TJP2: variants seen among roughly 807,000 people sequenced by gnomAD.
TJP2 encodes tight junction protein 2.
In TJP2, 91 loss-of-function variants were observed where a neutral mutation model predicts 133.1. That is an observed-to-expected ratio of 0.68 (90% CI 0.58 to 0.81). TJP2 has a LOEUF of 0.81. Ranked by LOEUF, TJP2 falls within the 40% of genes least tolerant of loss-of-function variation. The probability of loss-of-function intolerance (pLI) is 0.00; values close to 1 mark genes in which losing one functional copy is unlikely to be tolerated. For missense variants in TJP2, 1,541 were observed against 1,565.6 expected, an observed-to-expected ratio of 0.98 and a Z score of 0.26; for synonymous variants, 592 against 583.4, an observed-to-expected ratio of 1.01 and a Z score of -0.21.
intron 12 of TJP2, 88 bp from the exon 13 acceptor site, chr9:69,235,940 A>C: frequency 8.1e-7 from 1 of 1,231,388 alleles, no homozygotes. Flanking sequence ...GGTAAAGGGG[A>C]GATCAGAGAT....
chr9:69,244,254 C>CA (rs896308532), intron 17 of TJP2, among the ~76,000 whole-genome samples: 1 of 150,912 alleles, frequency 6.6e-6, no homozygotes, highest in African/African-American at 2.4e-5. Context: ...GTACAGCTGT[C>CA]ATCACAACCA....
Position 69,237,033 on chromosome 9 carries a change from G to A in TJP2, c.2076G>A (p.Arg692=), listed in dbSNP as rs750708524. 3 of 1,614,196 alleles carry A rather than the reference G, an allele frequency of 1.9e-6. No homozygotes were observed. The South Asian group carries it at 3.3e-5, about 18-fold the overall frequency. Residue 692 remains arginine (R), a synonymous_variant, in exon 14 of 23, where the codon AGG becomes AGA. Coordinates refer to ENST00000377245, the MANE Select transcript of TJP2 (RefSeq NM_004817.4). ...ATTTCTGGAGAATGCGTGGCCAGAG[G>A]TCTGGGGTGAAGAAGAACCTGAGGA... The part of the protein sequence containing the change: ...RADFWRMRGQ[R]SGVKKNLRKS...
At chr9:69,217,931 A>G (rs980395098) in intron 3 of TJP2, among the ~76,000 whole-genome samples, 2 of 152,174 alleles carry the variant, frequency 1.3e-5, no homozygotes, top group African/African-American at 4.8e-5. Flanking sequence ...CACCTCAGGC[A>G]ATAGGGGACT....
At chr9:69,239,039 A>G (rs1282679920) in intron 16 of TJP2, among the ~76,000 whole-genome samples, 1 of 151,900 alleles carries the variant, frequency 6.6e-6, no homozygotes, top group East Asian at 1.9e-4. Context: ...AATATAAAAA[A>G]TTAGCCGGGC....
chr9:69,139,484 A>G (rs4507831), intron 1 of TJP2, among the ~76,000 whole-genome samples: 4,987 of 152,208 alleles, frequency 0.033, 225 homozygotes, highest in African/African-American at 0.1. Flanking sequence ...TAGAGAAAAG[A>G]TGGGCCTTCC....
chr9:69,218,778 C>G (rs963129650), intron 4 of TJP2, among the ~76,000 whole-genome samples: 2 of 152,174 alleles, frequency 1.3e-5, no homozygotes, highest in African/African-American at 4.8e-5. Flanking sequence ...TTCATCTATT[C>G]CTTCATTCAT....
intron 6 of TJP2, 96 bp from the exon 7 acceptor site, chr9:69,225,926 T>C: frequency 3.7e-6 from 5 of 1,347,172 alleles, no homozygotes; most frequent in Non-Finnish European, 5.3e-6. Context: ...TTTGAATATC[T>C]GAGCAAAGCC....
At chr9:69,176,493 C>T (rs996793007) in intron 1 of TJP2, among the ~76,000 whole-genome samples, 1 of 152,144 alleles carries the variant, frequency 6.6e-6, no homozygotes, top group Non-Finnish European at 1.5e-5. Context: ...AAGGCCATAA[C>T]GAAGCTTTGG....
intron 1 of TJP2, among the ~76,000 whole-genome samples, chr9:69,129,495 A>T (rs1352488980): frequency 1.3e-5 from 2 of 152,086 alleles, no homozygotes; most frequent in Non-Finnish European, 2.9e-5. Context: ...GGGCAACAGA[A>T]CAAGAACCTG....
rs987726986 is a variant in TJP2, at chr9:69,174,743, T to C, written c.60+311T>C. 3.3e-5 allele frequency among the ~76,000 whole-genome samples: 5 copies of C among 150,576 alleles called. No homozygotes were observed. In the East Asian group the frequency reaches 1.0e-3, roughly 30 times the overall value. ...TGCTGGCTTGGAGGCATCTCGTGTC[T>C]GTTGTGTCGCTTGCATGTCTTTGTG... On this transcript the variant is annotated intron_variant, in intron 1 of 22. Transcript: ENST00000377245.
At chr9:69,217,736 A>C (rs1054230688) in intron 3 of TJP2, among the ~76,000 whole-genome samples, 3 of 152,236 alleles carry the variant, frequency 2.0e-5, no homozygotes, top group African/African-American at 4.8e-5. Context: ...TATCAAAGTT[A>C]GTAGTCTTTC....
intron 6 of TJP2, among the ~76,000 whole-genome samples, chr9:69,225,639 C>A (rs1201832705): frequency 6.6e-6 from 1 of 152,192 alleles, no homozygotes; most frequent in Non-Finnish European, 1.5e-5. Context: ...TGAATATTTT[C>A]TTCTTTCCTG....
At chr9:69,211,268 C>T (rs1357053708) in intron 1 of TJP2, among the ~76,000 whole-genome samples, 1 of 152,140 alleles carries the variant, frequency 6.6e-6, no homozygotes, top group East Asian at 1.9e-4. Context: ...ACCTGGGAGG[C>T]GGAGGTTGCA....
chr9:69,232,232 C>A (rs1829840537), intron 11 of TJP2, among the ~76,000 whole-genome samples: 1 of 152,186 alleles, frequency 6.6e-6, no homozygotes, highest in African/African-American at 2.4e-5. Context: ...GTCCTCATTT[C>A]TTGGGTGCGA....
chr9:69,235,965 T>C (rs1830157026), intron 12 of TJP2, 63 bp from the exon 13 acceptor site: 7 of 1,481,250 alleles, frequency 4.7e-6, no homozygotes, highest in Non-Finnish European at 6.6e-6. Context: ...GAAGCTGTGT[T>C]GAGTGTCTAG....
rs572168552 is a variant in TJP2 at position 69,129,070 on chromosome 9, G to C, written c.-131+7345G>C. Among the ~76,000 whole-genome samples the C allele has an allele frequency of 2.6e-5, 4 of 152,282 alleles. No individual in the cohort carries two copies. In the East Asian group the frequency reaches 7.7e-4, roughly 29 times the overall value. The stretch of plus-strand genomic sequence containing the variant: ...GAATTAATGAATACGTAGTTTCTTG[G>C]GGTTGATGGGGAGTACGTAAGCAGG... On this transcript the variant is annotated intron_variant, in intron 1 of 5. Transcript: ENST00000423935.
chr9:69,139,353 G>T lies in TJP2; in HGVS notation c.-130-12298G>T, dbSNP rs144825638. On this transcript the variant is annotated intron_variant, in intron 1 of 5. Transcript: ENST00000423935. ...GAATGTGCCTTTATTTGGAGATGCG[G>T]TGTTTATAGAGGTAATCAAGCTAAA... 9.4e-3 allele frequency among the ~76,000 whole-genome samples: 1,438 copies of T among 152,328 alleles called. 18 individuals are homozygous for T. Among genetic ancestry groups the T allele is most frequent in the Non-Finnish European group, 0.014 (946 of 68,024 alleles).
chr9:69,156,742 A>G (rs1424221981), intron 2 of TJP2, among the ~76,000 whole-genome samples: 1 of 151,648 alleles, frequency 6.6e-6, no homozygotes, highest in Non-Finnish European at 1.5e-5. Flanking sequence ...CGTGGTCTCG[A>G]TCTCCTGACC....
At chr9:69,195,271 G>A (rs1316491197) in intron 1 of TJP2, among the ~76,000 whole-genome samples, 2 of 152,220 alleles carry the variant, frequency 1.3e-5, no homozygotes, top group African/African-American at 4.8e-5. Context: ...AGGGTACACA[G>A]GGCTGTGCCT....
Sources: gnomAD v4.1 joint callset for allele counts (sites outside exome capture counted in the v4.1 genomes callset) on GRCh38, gnomAD v4.1.1 for gene constraint, MANE v1.5 for transcripts, NCBI Gene and HGNC (gene_info 2026-07-23, HGNC 2026-07-21) for gene names.